Variants in CADPS observed in about 807,000 individuals in gnomAD.
CADPS encodes the protein calcium dependent secretion activator, also known as calcium-dependent secretion activator 1.
In CADPS, 57 loss-of-function variants were observed where a neutral mutation model predicts 167.3. The ratio of observed to expected loss-of-function variants is 0.34; its 90% CI spans 0.28 to 0.42. The LOEUF is 0.42. CADPS is among the 20% of genes least tolerant of loss of function. The probability of loss-of-function intolerance (pLI) is 1.00; values close to 1 mark genes in which losing one functional copy is unlikely to be tolerated. For missense variants in CADPS, 1,414 were observed against 1,738.1 expected, an observed-to-expected ratio of 0.81 and a Z score of 3.32; for synonymous variants, 676 against 635.3, an observed-to-expected ratio of 1.06 and a Z score of -0.96.
At chr3:62,687,619 A>G (rs74541749) in intron 3 of CADPS, among the ~76,000 whole-genome samples, 3,728 of 152,000 alleles carry the variant, frequency 0.025, 80 homozygotes, top group Middle Eastern at 0.058. Context: ...AGGGGTGATT[A>G]TCATGAGTAC....
intron 1 of CADPS, among the ~76,000 whole-genome samples, chr3:62,815,134 T>C (rs976287713): frequency 6.6e-6 from 1 of 152,130 alleles, no homozygotes; most frequent in Admixed American, 6.6e-5. Context: ...TGTAGGTAAA[T>C]ATTCACTAAC....
chr3:62,440,283 C>A (rs2056044460), intron 27 of CADPS: 1 of 149,974 alleles, frequency 6.7e-6, no homozygotes, highest in Non-Finnish European at 1.5e-5. Flanking sequence ...GGATCTCCCA[C>A]AAATTGGAAT....
intron 1 of CADPS, among the ~76,000 whole-genome samples, chr3:62,822,344 C>T (rs1171360988): frequency 6.6e-6 from 1 of 152,130 alleles, no homozygotes; most frequent in Non-Finnish European, 1.5e-5. Flanking sequence ...CATTTTCTTT[C>T]CATGTTAGAT....
chr3:62,574,408 AAG>A (rs2081897857), intron 8 of CADPS, among the ~76,000 whole-genome samples: 1 of 151,524 alleles, frequency 6.6e-6, no homozygotes, highest in Admixed American at 6.6e-5. Flanking sequence ...GAGATTAGTG[AAG>A]AGCTGGTCAC....
At chr3:62,525,036 A>G (rs1352162890) in intron 13 of CADPS, among the ~76,000 whole-genome samples, 2 of 152,210 alleles carry the variant, frequency 1.3e-5, no homozygotes, top group African/African-American at 4.8e-5. Context: ...CCACTCTAAA[A>G]GGAGTGTAAC....
intron 3 of CADPS, among the ~76,000 whole-genome samples, chr3:62,689,857 A>G (rs1300056207): frequency 1.3e-5 from 2 of 152,004 alleles, no homozygotes; most frequent in Admixed American, 1.3e-4. Context: ...AAAAGGTGAC[A>G]ATGAGAGATG....
At chr3:62,590,907 T>A (rs1319929503) in intron 7 of CADPS, among the ~76,000 whole-genome samples, 2 of 152,114 alleles carry the variant, frequency 1.3e-5, no homozygotes, top group African/African-American at 4.8e-5. Context: ...CAGGCTAGAG[T>A]GCAATGGAGC....
chr3:62,760,660 C>T (rs979093602), intron 2 of CADPS, among the ~76,000 whole-genome samples: 1 of 152,232 alleles, frequency 6.6e-6, no homozygotes, highest in South Asian at 2.1e-4. Flanking sequence ...GTTATTCTTC[C>T]CCTATGGATG....
In CADPS at chr3:62,753,799, A is replaced by T; in HGVS notation, c.556-26T>A. The T allele has an allele frequency of 6.3e-7, 1 of 1,589,142 alleles. No individual in the cohort carries two copies. The highest frequency in any genetic ancestry group is 8.6e-7 in the Non-Finnish European group (1 of 1,165,562). On this transcript the variant is annotated intron_variant, in intron 2 of 29. Transcript: ENST00000383710. This position sits in a 1 kb window ranked among gnomAD's most constrained non-coding sequence, Gnocchi z 4.6. ...CTGAGCAAGAACAAGGCCAGGAAAG[A>T]CAGTAGGAGAGTTTACCACAGAGGT...
chr3:62,469,456 T>C (rs1344111605), intron 24 of CADPS, among the ~76,000 whole-genome samples: 2 of 152,194 alleles, frequency 1.3e-5, no homozygotes, highest in African/African-American at 4.8e-5. Context: ...TCTGATCGAC[T>C]ATCCAGATAC....
chr3:62,568,425 G>A lies in CADPS; in HGVS notation c.1644+2447C>T, dbSNP rs181132510. On this transcript the variant is annotated intron_variant, in intron 9 of 29. Coordinates refer to ENST00000383710, the MANE Select transcript of CADPS (RefSeq NM_003716.4). ...AGGAGGTGGGATAAGACTGCTTGCC[G>A]AGTCTTCAGGCTTTCGTCTTTCTTC... 8.1e-4 allele frequency among the ~76,000 whole-genome samples: 123 copies of A among 152,352 alleles called. 1 individual carries two copies. Among genetic ancestry groups the A allele is most frequent in the African/African-American group, 2.8e-3 (116 of 41,580 alleles).
chr3:62,659,875 G>C (rs1160339920), intron 4 of CADPS, among the ~76,000 whole-genome samples: 1 of 152,146 alleles, frequency 6.6e-6, no homozygotes, highest in Non-Finnish European at 1.5e-5. Flanking sequence ...AGACAGTAGA[G>C]GGCACTCTAT....
chr3:62,848,130 G>A (rs894064241), intron 1 of CADPS, among the ~76,000 whole-genome samples: 12 of 144,484 alleles, frequency 8.3e-5, no homozygotes, highest in East Asian at 2.0e-4. Context: ...GGGGTTGTTC[G>A]TTTTTTTCTT....
intron 12 of CADPS, chr3:62,535,928 G>C (rs2074601118): frequency 6.6e-6 from 1 of 151,004 alleles, no homozygotes; most frequent in South Asian, 2.1e-4. Flanking sequence ...AAAATGCTGT[G>C]AATATTGTGA....
chr3:62,645,697 T>A, intron 6 of CADPS, 25 bp downstream of exon 6: 1 of 1,612,960 alleles, frequency 6.2e-7, no homozygotes, highest in South Asian at 1.1e-5. Context: ...CTCTATAAGA[T>A]GGACCCTGGA....
chr3:62,468,657 A>G (rs753183902), intron 24 of CADPS, among the ~76,000 whole-genome samples: 1 of 152,050 alleles, frequency 6.6e-6, no homozygotes, highest in Non-Finnish European at 1.5e-5. Context: ...TCCCATTTCA[A>G]TTTTTCCATG....
In CADPS at chr3:62,421,597, G is replaced by T. The variant is rs1487446700; in HGVS notation, c.3777+16507C>A. Among the ~76,000 whole-genome samples, 1 of 152,230 alleles carries T rather than the reference G, an allele frequency of 6.6e-6. No individual in the cohort carries two copies. The highest frequency in any genetic ancestry group is 1.9e-4 in the East Asian group (1 of 5,188). On this transcript the variant is annotated intron_variant, in intron 28 of 29. Transcript: ENST00000383710. This position sits in a 1 kb window ranked among gnomAD's most constrained non-coding sequence, Gnocchi z 4.7. ...ATAGACAGTAGTCTTGCTAGAAAGA[G>T]ACTTTATTTTAACTTTGATTGGCTT...
chr3:62,442,582 A>G (rs377452141), intron 27 of CADPS, among the ~76,000 whole-genome samples: 11 of 152,274 alleles, frequency 7.2e-5, no homozygotes, highest in African/African-American at 2.6e-4. Context: ...AGTGTTTACC[A>G]ATTTGCATGG....
At chr3:62,618,859 G>A (rs1217268437) in intron 6 of CADPS, among the ~76,000 whole-genome samples, 1 of 152,132 alleles carries the variant, frequency 6.6e-6, no homozygotes, top group African/African-American at 2.4e-5. Flanking sequence ...GAAGGCCTAG[G>A]CATTATGCTA....
Sources: allele counts gnomAD v4.1 joint callset (sites outside exome capture counted in the v4.1 genomes callset), GRCh38; gene constraint gnomAD v4.1.1; non-coding constraint Gnocchi (gnomAD v3.1); transcripts MANE v1.5; gene names NCBI Gene and HGNC (gene_info 2026-07-23, HGNC 2026-07-21).